The following CNTNAP1 variants were observed in gnomAD, a reference collection of about 807,000 sequenced individuals.
CNTNAP1 encodes contactin-associated protein 1.
A neutral mutation model predicts 161.5 loss-of-function variants in CNTNAP1; 80 were observed. That is an observed-to-expected ratio of 0.50 (90% CI 0.41 to 0.60). CNTNAP1 has a LOEUF of 0.60. Ranked by LOEUF, CNTNAP1 falls within the 20% of genes least tolerant of loss-of-function variation. The probability of loss-of-function intolerance (pLI) is 0.00; values close to 1 mark genes in which losing one functional copy is unlikely to be tolerated. For missense variants in CNTNAP1, 1,464 were observed against 1,854.8 expected, an observed-to-expected ratio of 0.79 and a Z score of 3.87; for synonymous variants, 695 against 733.1, an observed-to-expected ratio of 0.95 and a Z score of 0.84.
Position 42,691,864 on chromosome 17 carries a change from C to T in CNTNAP1, c.2403C>T (p.Ile801=). 1.9e-6 allele frequency: 3 copies of T among 1,614,184 alleles called. No homozygotes were observed. The highest frequency in any genetic ancestry group is 2.5e-6 in the Non-Finnish European group (3 of 1,180,030). The change falls in exon 16 of 24, where the codon ATC becomes ATT. Residue 801 remains isoleucine (I), a synonymous_variant. Transcript: ENST00000264638. This position sits in a 1 kb window ranked among gnomAD's most constrained non-coding sequence, Gnocchi z 4.3. ...GGGCTGCACTACGCTTCCCCCCAAT[C>T]CGTGCCAACCACAGCCTGGATGTCT... ...HTGAALRFPP[I]RANHSLDVSF...
In CNTNAP1 at chr17:42,682,604, A is replaced by C. The variant is rs906298822; in HGVS notation, c.-226A>C. On this transcript the variant is annotated 5_prime_UTR_variant, in exon 1 of 24. Coordinates refer to ENST00000264638, the MANE Select transcript of CNTNAP1 (RefSeq NM_003632.3). ...GAGGAAAGAGGGTGGAAAGGAGAGG[A>C]TAGAGAGAGAAGAGCGGAGGACCAG... 1.6e-5 allele frequency: 9 copies of C among 579,332 alleles called. No individual in the cohort carries two copies. Among genetic ancestry groups the C allele is most frequent in the Non-Finnish European group, 2.8e-5 (9 of 325,082 alleles). The allele number at this position is 579,332 out of a possible 1,614,324, so 35.9% of individuals were successfully genotyped here.
At chr17:42,686,477 T>TTTTTTTTTTTTTTTTTG (rs2053014395) in intron 6 of CNTNAP1, among the ~76,000 whole-genome samples, 1 of 87,898 alleles carries the variant, frequency 1.1e-5, no homozygotes, top group African/African-American at 4.5e-5. Flanking sequence ...CTGTTTTTTT[T>TTTTTTTTTTTTTTTTTG]TTTTTTTTTT....
rs374737961 is a variant in CNTNAP1 at position 42,692,603 on chromosome 17, C to T, written c.2635C>T (p.Arg879Trp). ...EFNDDEWHLV[R>W]AEINVKQARL... ...CAATGATGACGAGTGGCACCTGGTC[C>T]GGGCTGAAATCAACGTGAAGCAGGC... The change falls in exon 17 of 24, where the codon CGG (arginine) becomes TGG (tryptophan). Residue 879 changes from arginine to tryptophan, a missense_variant. Around this residue, in one of 3 missense-constraint regions of CNTNAP1, gnomAD observed 1,383 missense variants for 1,765.0 expected, o/e 0.78. Transcript: ENST00000264638. The T allele has an allele frequency of 1.8e-5, 29 of 1,614,064 alleles. No homozygotes were observed. The highest frequency in any genetic ancestry group is 4.0e-5 in the African/African-American group (3 of 74,914).
At position 42,698,837 on chromosome 17, in the gene CNTNAP1, C is replaced by T. The variant is rs568590941; in HGVS notation, c.4082C>T (p.Pro1361Leu). 1 of 1,599,152 alleles carries T rather than the reference C, an allele frequency of 6.3e-7. No homozygotes were observed. The highest frequency in any genetic ancestry group is 8.5e-7 in the Non-Finnish European group (1 of 1,177,604). The change falls in exon 24 of 24, where the codon CCA (proline) becomes CTA (leucine). Residue 1361 changes from proline (P) to leucine (L), a missense_variant. Transcript: ENST00000264638. ...QAPASAPAPA[P>L]TPAPAPGPRD... The stretch of plus-strand genomic sequence containing the variant: ...CCAGCCTCAGCCCCAGCCCCAGCCC[C>T]AACTCCAGCCCCAGCCCCTGGCCCC...
Position 42,687,100 on chromosome 17 carries a change from A to G in CNTNAP1, c.1044+54A>G. 6.3e-7 allele frequency: 1 copy of G among 1,583,894 alleles called. No homozygotes were observed. Among genetic ancestry groups the G allele is most frequent in the Non-Finnish European group, 8.6e-7 (1 of 1,158,608 alleles). ...AGGATATCAAAGCGTCGTGGAAAGC[A>G]AAGAGGTGGAGCGGGAAGAGATATT... On this transcript the variant is annotated intron_variant, in intron 7 of 23. Transcript: ENST00000264638. The surrounding 1 kb of genome is among the most constrained non-coding windows in gnomAD (Gnocchi z 4.7).
chr17:42,686,478 T>TTTG (rs1567970522), intron 6 of CNTNAP1, among the ~76,000 whole-genome samples: 8 of 134,072 alleles, frequency 6.0e-5, no homozygotes, highest in Non-Finnish European at 9.2e-5. Flanking sequence ...TGTTTTTTTT[T>TTTG]TTTTTTTTTT....
In CNTNAP1 at chr17:42,689,577, TC is replaced by T; in HGVS notation, c.1686del (p.Phe562LeufsTer7). The T allele has an allele frequency of 6.2e-7, 1 of 1,613,882 alleles. No homozygotes were observed. The highest frequency in any genetic ancestry group is 8.5e-7 in the Non-Finnish European group (1 of 1,179,900). On this transcript the variant is annotated frameshift_variant, in exon 11 of 24. Transcript: ENST00000264638. LOFTEE classifies it high-confidence loss of function. ...CGCTGCTACCAGTCTTGGGATGACTTCATTTGCTACTGCGAACTGACGGGCT... is the reference window on the plus strand; with the variant it reads ...CGCTGCTACCAGTCTTGGGATGACTTATTTGCTACTGCGAACTGACGGGCT... ...DGRCYQSWDD[F>X]ICYCELTGYK... is the part of the protein sequence containing the mutation.
rs147910760 is a variant in CNTNAP1, at chr17:42,697,459, G to A, written c.3568+92G>A. On this transcript the variant is annotated intron_variant, in intron 21 of 23. Coordinates refer to ENST00000264638, the MANE Select transcript of CNTNAP1 (RefSeq NM_003632.3). ...AAGTGAAGGCCCTGGGAATGGCTGAGGGCAGTGGGAAGGATGAGTGGGAAA... is the reference window on the plus strand; with the variant it reads ...AAGTGAAGGCCCTGGGAATGGCTGAAGGCAGTGGGAAGGATGAGTGGGAAA... 175 of 1,607,716 alleles carry A rather than the reference G, an allele frequency of 1.1e-4. No homozygotes were observed. The African/African-American group carries it at 2.0e-3, about 18-fold the overall frequency.
In CNTNAP1 at chr17:42,684,999, T is replaced by C. The variant is rs2052985449; in HGVS notation, c.372T>C (p.Phe124=). 2 of 1,607,186 alleles carry C rather than the reference T, an allele frequency of 1.2e-6. No individual in the cohort carries two copies. Among genetic ancestry groups the C allele is most frequent in the Non-Finnish European group, 1.7e-6 (2 of 1,178,292 alleles). The change falls in exon 4 of 24, where the codon TTT becomes TTC. Residue 124 remains phenylalanine, a synonymous_variant. Transcript: ENST00000264638. ...CTCCTCCACCCCCGCAGACCTTCTT[T>C]GGTAACGTGAACGAGTCGGCGGTGG... ...FYQRGHNSTF[F]GNVNESAVVR... is the part of the protein sequence containing the mutation.
chr17:42,692,663 C>A lies in CNTNAP1; in HGVS notation c.2695C>A (p.Arg899=). Reference sequence around the variant, plus strand: ...AGTGGATCACCGGCCCTGGGTTCTGCGGCCTATGCCACTGCAGACCTACAT... The same window carrying A: ...AGTGGATCACCGGCCCTGGGTTCTGAGGCCTATGCCACTGCAGACCTACAT... The part of the protein sequence containing the change: ...LRVDHRPWVL[R]PMPLQTYIWM... Residue 899 remains arginine (R), a synonymous_variant, in exon 17 of 24, where the codon CGG becomes AGG. Coordinates refer to ENST00000264638, the MANE Select transcript of CNTNAP1 (RefSeq NM_003632.3). 6.2e-7 allele frequency: 1 copy of A among 1,614,162 alleles called. No individual in the cohort carries two copies. The highest frequency in any genetic ancestry group is 1.1e-5 in the South Asian group (1 of 91,080).
At chr17:42,692,021 G>A in intron 16 of CNTNAP1, 30 bp downstream of exon 16, 1 of 1,605,274 alleles carries the variant, frequency 6.2e-7, no homozygotes, top group African/African-American at 1.3e-5. Context: ...GAGGGCCTCG[G>A]GGTAGATGAA....
intron 23 of CNTNAP1, 48 bp from the exon 24 acceptor site, chr17:42,698,570 T>G: frequency 7.0e-7 from 1 of 1,433,778 alleles, no homozygotes; most frequent in South Asian, 1.3e-5. Context: ...TGTGTGTGTA[T>G]ACAGGTGAGA....
Position 42,697,327 on chromosome 17 carries a change from G to T in CNTNAP1, c.3528G>T (p.Gln1176His), listed in dbSNP as rs1270660547. The T allele has an allele frequency of 1.2e-6, 2 of 1,614,026 alleles. No homozygotes were observed. Among genetic ancestry groups the T allele is most frequent in the Non-Finnish European group, 1.7e-6 (2 of 1,180,032 alleles). Reference sequence around the variant, plus strand: ...AGTTCTCGCTGTTGGTGGACAGCCAGTTGGACTCACCCAAGGCCTTGTATT... The same window carrying T: ...AGTTCTCGCTGTTGGTGGACAGCCATTTGGACTCACCCAAGGCCTTGTATT... ...EQKFSLLVDSQLDSPKALYLG... is the reference protein window; with the variant it reads ...EQKFSLLVDSHLDSPKALYLG... Residue 1176 changes from glutamine to histidine, a missense_variant, in exon 21 of 24, where the codon CAG becomes CAT. Gln to His is a conservative substitution (Grantham distance 24). Coordinates refer to ENST00000264638, the MANE Select transcript of CNTNAP1 (RefSeq NM_003632.3).
In CNTNAP1 at chr17:42,697,922, T is replaced by C. The variant is rs201435725; in HGVS notation, c.3834T>C (p.Asp1278=). The C allele has an allele frequency of 1.8e-5, 29 of 1,614,206 alleles. No homozygotes were observed. The East Asian group carries it at 6.2e-4, about 35-fold the overall frequency. Reference sequence around the variant, plus strand: ...CTCCAGACTTCCCCTACTACCATGATGAAGGATGGGTTGCCATACTTTTAG... The same window carrying C: ...CTCCAGACTTCCCCTACTACCATGACGAAGGATGGGTTGCCATACTTTTAG... ...YLPPDFPYYH[D]EGWVAILLGF... Residue 1278 remains aspartate, a synonymous_variant, in exon 23 of 24, where the codon GAT becomes GAC. Transcript: ENST00000264638.
intron 8 of CNTNAP1, 38 bp downstream of exon 8, chr17:42,688,019 A>C: frequency 6.3e-7 from 1 of 1,599,266 alleles, no homozygotes; most frequent in Non-Finnish European, 8.5e-7. Context: ...AAGAGAAGAG[A>C]AGTGTAGAGG....
intron 16 of CNTNAP1, 143 bp downstream of exon 16, chr17:42,692,134 C>T (rs1450068375): frequency 1.2e-5 from 11 of 892,454 alleles, no homozygotes; most frequent in Non-Finnish European, 1.7e-5. Context: ...TGTTCTAGCC[C>T]TCACTCGGTC....
chr17:42,684,646 C>T (rs1296230232), intron 3 of CNTNAP1, among the ~76,000 whole-genome samples: 1 of 151,898 alleles, frequency 6.6e-6, no homozygotes, highest in Non-Finnish European at 1.5e-5. Context: ...CAGAGGGGGG[C>T]CGGGCGCAGT....
At chr17:42,692,781 C>T (rs2053106016) in intron 17 of CNTNAP1, 61 bp downstream of exon 17, 3 of 1,465,662 alleles carry the variant, frequency 2.0e-6, no homozygotes, top group Non-Finnish European at 2.8e-6. Context: ...TCCAAGGCCA[C>T]TCGCCTTGTT....
chr17:42,689,504 C>T lies in CNTNAP1; in HGVS notation c.1629-17C>T, dbSNP rs760673746. 1 of 1,604,914 alleles carries T rather than the reference C, an allele frequency of 6.2e-7. No individual in the cohort carries two copies. Among genetic ancestry groups the T allele is most frequent in the East Asian group, 2.2e-5 (1 of 44,756 alleles). ...TCCCAGTAAGGCTCCTTCCCTTGGT[C>T]CTGACCCCTTCCCTAGGTGCAGCCC... On this transcript the variant is annotated splice_polypyrimidine_tract_variant and intron_variant, in intron 10 of 23. Transcript: ENST00000264638.
Sources: allele counts gnomAD v4.1 joint callset (sites outside exome capture counted in the v4.1 genomes callset), GRCh38; gene constraint gnomAD v4.1.1; regional missense constraint gnomAD v4.1.1; non-coding constraint Gnocchi (gnomAD v3.1); transcripts MANE v1.5; gene names NCBI Gene and HGNC (gene_info 2026-07-23, HGNC 2026-07-21).